Variants in NSUN2 observed in about 807,000 individuals in gnomAD.
The protein encoded by NSUN2 is NOP2/Sun RNA methyltransferase 2.
NSUN2 carries 63 observed loss-of-function variants against 92.7 expected under a neutral mutation model. The ratio of observed to expected loss-of-function variants is 0.68; its 90% confidence interval spans 0.56 to 0.84. The LOEUF is 0.84. NSUN2 is among the 40% of genes least tolerant of loss of function. The pLI is 0.00. For synonymous variants in NSUN2, 356 were observed against 348.3 expected, an observed-to-expected ratio of 1.02 and a Z score of -0.25; for missense variants, 989 against 964.9, an observed-to-expected ratio of 1.02 and a Z score of -0.33.
intron 6 of NSUN2, 151 bp downstream of exon 6, chr5:6,621,865 T>C (rs1737461354): frequency 6.4e-6 from 4 of 621,066 alleles, no homozygotes; most frequent in African/African-American, 5.5e-5. Flanking sequence ...GTAGGCAAGA[T>C]GTCCAGTTCT....
At chr5:6,602,160 T>TA (rs1273241751) in intron 18 of NSUN2, among the ~76,000 whole-genome samples, 1 of 152,110 alleles carries the variant, frequency 6.6e-6, no homozygotes, top group Non-Finnish European at 1.5e-5. Context: ...TCTTCACACT[T>TA]ACTCTGTACA....
intron 18 of NSUN2, among the ~76,000 whole-genome samples, chr5:6,601,336 AC>A (rs3836785): frequency 0.22 from 32,806 of 151,572 alleles, 3,692 homozygotes; most frequent in East Asian, 0.26. Context: ...CTTTGTTCAA[AC>A]TCTCGTTAAA....
At chr5:6,611,641 C>A in intron 10 of NSUN2, 84 bp downstream of exon 10, 1 of 1,036,902 alleles carries the variant, frequency 9.6e-7, no homozygotes, top group South Asian at 1.4e-5. Context: ...TCAAGTTACT[C>A]ACACGTGAAT....
At position 6,632,956 on chromosome 5, in the gene NSUN2, C is replaced by T. The variant is rs1372359212; in HGVS notation, c.24G>A (p.Arg8=). The change falls in exon 1 of 19, where the codon CGG becomes CGA. Residue 8 remains arginine (R), a synonymous_variant. Transcript: ENST00000264670. ...CCGGCCGCTGCTGTTGCTGGAGCCG[C>T]CGACCCCGCGACCGCCGCCCCATAG... MGRRSRG[R]RLQQQQRPED... The T allele has an allele frequency of 4.0e-6, 6 of 1,496,762 alleles. No individual in the cohort carries two copies. The highest frequency in any genetic ancestry group is 5.3e-6 in the Non-Finnish European group (6 of 1,131,638). 92.7% of individuals were successfully genotyped at this position (1,496,762 alleles called of 1,614,324 possible). A position where few individuals can be genotyped will look rare whatever the true frequency, so the allele number is the denominator to read the frequency against.
rs1310880508 is a variant in NSUN2 at position 6,632,874 on chromosome 5, C to G, written c.96+10G>C. 6.5e-7 allele frequency: 1 copy of G among 1,534,288 alleles called. No individual in the cohort carries two copies. Among genetic ancestry groups the G allele is most frequent in the Non-Finnish European group, 8.7e-7 (1 of 1,144,894 alleles). On this transcript the variant is annotated intron_variant, in intron 1 of 18. Coordinates refer to ENST00000264670, the MANE Select transcript of NSUN2 (RefSeq NM_017755.6). Reference sequence around the variant, plus strand: ...AGCCCCTGGCCCGCCCGCCGGGTCCCGGCTCCTACCGCCTCGCCGCGCTTT... The same window carrying G: ...AGCCCCTGGCCCGCCCGCCGGGTCCGGGCTCCTACCGCCTCGCCGCGCTTT...
chr5:6,604,369 T>C (rs1290297376), intron 16 of NSUN2, 93 bp from the exon 17 acceptor site: 10 of 1,245,214 alleles, frequency 8.0e-6, no homozygotes, highest in African/African-American at 3.0e-5. Context: ...TTAGCGGCTA[T>C]GGTGGTCGAG....
chr5:6,616,482 G>T (rs895743452), intron 9 of NSUN2, among the ~76,000 whole-genome samples: 1 of 152,178 alleles, frequency 6.6e-6, no homozygotes, highest in Non-Finnish European at 1.5e-5. Context: ...TAGAACGGTG[G>T]TGTGAGGGGC....
rs201882330 is a variant in NSUN2 at position 6,616,862 on chromosome 5, G to C, written c.891-5C>G. 7 of 1,611,562 alleles carry C rather than the reference G, an allele frequency of 4.3e-6. No individual in the cohort carries two copies. The East Asian group carries it at 1.3e-4, about 31-fold the overall frequency. On this transcript the variant is annotated splice_polypyrimidine_tract_variant and splice_region_variant and intron_variant, in intron 8 of 18. Transcript: ENST00000264670. ...GTTGCAATCCGCAGCTGTAAGCTAA[G>C]GGGAGATATCAGATGACTGCAAGGC...
intron 3 of NSUN2, among the ~76,000 whole-genome samples, chr5:6,631,645 AG>A (rs1207189434): frequency 1.3e-5 from 2 of 152,258 alleles, no homozygotes; most frequent in African/African-American, 4.8e-5. Context: ...TGGATGTACT[AG>A]GAAGAGCTGG....
At chr5:6,624,232 G>A (rs1188290177) in intron 4 of NSUN2, among the ~76,000 whole-genome samples, 1 of 152,176 alleles carries the variant, frequency 6.6e-6, no homozygotes, top group Non-Finnish European at 1.5e-5. Context: ...CCTGCCTTCT[G>A]TATCCATCCA....
At chr5:6,625,424 G>A in intron 4 of NSUN2, 140 bp downstream of exon 4, 1 of 622,056 alleles carries the variant, frequency 1.6e-6, no homozygotes, top group Non-Finnish European at 2.8e-6. Flanking sequence ...AATCACAGGT[G>A]GTGCACACAC....
intron 5 of NSUN2, among the ~76,000 whole-genome samples, chr5:6,622,368 GAA>G (rs1737481468): frequency 6.6e-6 from 1 of 152,188 alleles, no homozygotes; most frequent in Non-Finnish European, 1.5e-5. Context: ...TAAGAATCAT[GAA>G]AACATAATGC....
At chr5:6,608,164 T>C (rs1264136613) in intron 12 of NSUN2, among the ~76,000 whole-genome samples, 1 of 152,214 alleles carries the variant, frequency 6.6e-6, no homozygotes, top group East Asian at 1.9e-4. Context: ...TCCATGTTAA[T>C]ATAATGTAAA....
rs1736456034 is a variant in NSUN2 at position 6,599,545 on chromosome 5, A to G, written c.*381T>C. On this transcript the variant is annotated 3_prime_UTR_variant, in exon 19 of 19. Transcript: ENST00000264670. Reference sequence around the variant, plus strand: ...AATTTATAGATTCTTTCTATAAATAATAATTTAAAAAATACTGCACCTTAA... The same window carrying G: ...AATTTATAGATTCTTTCTATAAATAGTAATTTAAAAAATACTGCACCTTAA... The G allele has an allele frequency of 6.1e-6, 1 of 164,948 alleles. No individual in the cohort carries two copies. Among genetic ancestry groups the G allele is most frequent in the African/African-American group, 2.4e-5 (1 of 41,810 alleles). The allele number at this position is 164,948 out of a possible 1,614,324, so 10.2% of individuals were successfully genotyped here. A position where few individuals can be genotyped will look rare whatever the true frequency, so the allele number is the denominator to read the frequency against.
intron 12 of NSUN2, 46 bp downstream of exon 12, chr5:6,609,780 T>C: frequency 6.8e-7 from 1 of 1,469,914 alleles, no homozygotes; most frequent in South Asian, 1.2e-5. Context: ...TTGTCTTAAA[T>C]GTACAAGATC....
At chr5:6,624,319 A>T (rs1174293435) in intron 4 of NSUN2, among the ~76,000 whole-genome samples, 3 of 152,184 alleles carry the variant, frequency 2.0e-5, no homozygotes, top group Non-Finnish European at 4.4e-5. Flanking sequence ...CCCTGTGTAG[A>T]TGTTTTGTGG....
intron 3 of NSUN2, among the ~76,000 whole-genome samples, chr5:6,630,808 A>T (rs1042740109): frequency 2.0e-5 from 3 of 152,202 alleles, no homozygotes; most frequent in African/African-American, 4.8e-5. Context: ...CAAAACGCTT[A>T]ATTTGGCAGG....
At chr5:6,601,998 C>T (rs898279646) in intron 18 of NSUN2, among the ~76,000 whole-genome samples, 35 of 152,266 alleles carry the variant, frequency 2.3e-4, no homozygotes, top group African/African-American at 7.5e-4. Context: ...ATGCAAGCAG[C>T]GTGGAGCAGT....
At chr5:6,602,665 G>A (rs977094156) in intron 17 of NSUN2, among the ~76,000 whole-genome samples, 165 bp from the exon 18 acceptor site, 1 of 152,190 alleles carries the variant, frequency 6.6e-6, no homozygotes, top group African/African-American at 2.4e-5. Context: ...GAGGCCGTCT[G>A]GATACATGAA....
Sources: gnomAD v4.1 joint callset for allele counts (sites outside exome capture counted in the v4.1 genomes callset) on GRCh38, gnomAD v4.1.1 for gene constraint, MANE v1.5 for transcripts, NCBI Gene and HGNC (gene_info 2026-07-23, HGNC 2026-07-21) for gene names.